The following CWF19L2 variants were observed in gnomAD, a reference collection of about 807,000 sequenced individuals.
CWF19L2 encodes CWF19-like protein 2.
CWF19L2 carries 98 observed loss-of-function variants against 111.7 expected under a neutral mutation model. The observed-to-expected ratio is 0.88, with a 90% CI of 0.75 to 1.04. The LOEUF is 1.04. CWF19L2 is among the 50% of genes least tolerant of loss of function. The probability of loss-of-function intolerance (pLI) is 0.00; values close to 1 mark genes in which losing one functional copy is unlikely to be tolerated. For synonymous variants in CWF19L2, 351 were observed against 342.9 expected (o/e 1.02, Z -0.26); for missense variants, 1,101 against 1,051.4 (o/e 1.05, Z -0.65).
At chr11:107,457,523 G>C (rs1861872233) in intron 1 of CWF19L2, among the ~76,000 whole-genome samples, 189 bp downstream of exon 1, 1 of 152,124 alleles carries the variant, frequency 6.6e-6, no homozygotes, top group Non-Finnish European at 1.5e-5. Flanking sequence ...TTAGCAACTG[G>C]CACCTGCCAG....
chr11:107,385,422 T>C (rs578191447), intron 12 of CWF19L2, among the ~76,000 whole-genome samples: 2 of 152,346 alleles, frequency 1.3e-5, no homozygotes, highest in East Asian at 3.9e-4. Context: ...TCAAAATTTT[T>C]TTTAAAAGTC....
chr11:107,386,985 C>T (rs561125792), intron 12 of CWF19L2, among the ~76,000 whole-genome samples: 24 of 151,124 alleles, frequency 1.6e-4, no homozygotes, highest in African/African-American at 5.4e-4. Context: ...ACCCAGAAGG[C>T]GGAGGTTGCA....
intron 6 of CWF19L2, among the ~76,000 whole-genome samples, chr11:107,435,016 AT>A (rs1313663778): frequency 2.0e-5 from 3 of 152,154 alleles, no homozygotes; most frequent in Non-Finnish European, 4.4e-5. Flanking sequence ...CATAGTAAAT[AT>A]TCACTAAATA....
intron 1 of CWF19L2, among the ~76,000 whole-genome samples, chr11:107,456,518 C>T (rs1203768446): frequency 1.3e-5 from 2 of 151,874 alleles, no homozygotes; most frequent in Non-Finnish European, 2.9e-5. Flanking sequence ...ATTTCACCTA[C>T]CCAAGACTAA....
intron 12 of CWF19L2, among the ~76,000 whole-genome samples, chr11:107,375,213 G>A (rs866899772): frequency 0.016 from 2,031 of 130,898 alleles, 201 homozygotes; most frequent in Middle Eastern, 0.043. Context: ...ACAGATCAAC[G>A]AGACAGAAGG....
intron 10 of CWF19L2, among the ~76,000 whole-genome samples, chr11:107,396,478 T>C (rs1431515525): frequency 6.6e-6 from 1 of 152,190 alleles, no homozygotes; most frequent in Non-Finnish European, 1.5e-5. Context: ...AAATCATGGA[T>C]TCTTATTTTA....
intron 14 of CWF19L2, among the ~76,000 whole-genome samples, chr11:107,337,367 T>G (rs1186776966): frequency 4.7e-5 from 7 of 148,218 alleles, no homozygotes; most frequent in Non-Finnish European, 1.0e-4. Context: ...GGTGTGTGTT[T>G]TGTGTGTGTG....
intron 16 of CWF19L2, among the ~76,000 whole-genome samples, chr11:107,331,976 G>T (rs2134519578): frequency 6.6e-6 from 1 of 152,264 alleles, no homozygotes; most frequent in East Asian, 1.9e-4. Context: ...AATGCATTTG[G>T]AACTCTGGCA....
At chr11:107,396,331 T>G (rs1472172975) in intron 10 of CWF19L2, among the ~76,000 whole-genome samples, 2 of 152,222 alleles carry the variant, frequency 1.3e-5, no homozygotes, top group Non-Finnish European at 2.9e-5. Context: ...CAGTTTGCTC[T>G]GGAGGACTTT....
chr11:107,330,858 T>C (rs1004503316), intron 16 of CWF19L2, among the ~76,000 whole-genome samples: 3 of 152,130 alleles, frequency 2.0e-5, no homozygotes, highest in African/African-American at 7.2e-5. Flanking sequence ...CCTCATATAG[T>C]CTGTACTTAC....
At chr11:107,349,514 C>T (rs1860128183) in intron 13 of CWF19L2, among the ~76,000 whole-genome samples, 1 of 152,050 alleles carries the variant, frequency 6.6e-6, no homozygotes, top group African/African-American at 2.4e-5. Context: ...AGAGAATTAA[C>T]TCAGCTAAGA....
intron 12 of CWF19L2, among the ~76,000 whole-genome samples, chr11:107,354,010 AT>A (rs1192388829): frequency 2.0e-5 from 3 of 151,920 alleles, no homozygotes; most frequent in African/African-American, 7.2e-5. Context: ...TAGCATTTTC[AT>A]TTTCAACTAA....
At chr11:107,411,083 G>C (rs561278657) in intron 10 of CWF19L2, among the ~76,000 whole-genome samples, 1 of 69,204 alleles carries the variant, frequency 1.4e-5, no homozygotes, top group African/African-American at 8.2e-5. Context: ...GTGTGCGCGC[G>C]TGCGTGCACA....
At chr11:107,355,711 C>T (rs1387632285) in intron 12 of CWF19L2, among the ~76,000 whole-genome samples, 1 of 152,052 alleles carries the variant, frequency 6.6e-6, no homozygotes, top group Non-Finnish European at 1.5e-5. Flanking sequence ...GTTTATATAC[C>T]TAATAACAGA....
intron 12 of CWF19L2, among the ~76,000 whole-genome samples, chr11:107,361,552 AG>A (rs1404938849): frequency 6.6e-6 from 1 of 152,212 alleles, no homozygotes; most frequent in African/African-American, 2.4e-5. Flanking sequence ...ATCAACCTGT[AG>A]ATTACTCTGG....
At chr11:107,394,029 A>T (rs1187226477) in intron 10 of CWF19L2, among the ~76,000 whole-genome samples, 1 of 152,180 alleles carries the variant, frequency 6.6e-6, no homozygotes, top group Non-Finnish European at 1.5e-5. Context: ...TCTATTTTTT[A>T]AAAATTAAAA....
intron 14 of CWF19L2, chr11:107,345,377 A>G (rs1565245998): frequency 5.2e-6 from 2 of 386,574 alleles, no homozygotes; most frequent in East Asian, 7.8e-5. Context: ...AGCAACAGCA[A>G]TAACAATAAT....
intron 3 of CWF19L2, among the ~76,000 whole-genome samples, chr11:107,447,611 T>C (rs1470055816): frequency 6.6e-6 from 1 of 152,188 alleles, no homozygotes; most frequent in African/African-American, 2.4e-5. Flanking sequence ...TCTAGGTGCA[T>C]ACGAACAAAA....
At chr11:107,349,185 G>A (rs139973914) in intron 13 of CWF19L2, 132 bp from the exon 14 acceptor site, 10 of 389,956 alleles carry the variant, frequency 2.6e-5, no homozygotes, top group African/African-American at 1.9e-4. Flanking sequence ...ATTTAATGAA[G>A]AATACTTAAG....
Sources: gnomAD v4.1 joint callset for allele counts (sites outside exome capture counted in the v4.1 genomes callset) on GRCh38, gnomAD v4.1.1 for gene constraint, MANE v1.5 for transcripts, NCBI Gene and HGNC (gene_info 2026-07-23, HGNC 2026-07-21) for gene names.